The following CAMK2D variants were observed in gnomAD, a reference collection of about 807,000 sequenced individuals.
The protein encoded by CAMK2D is calcium/calmodulin dependent protein kinase II delta.
In CAMK2D, 37 loss-of-function variants were observed where a neutral mutation model predicts 84.0. That is an observed-to-expected ratio of 0.44 (90% CI 0.34 to 0.58). CAMK2D has a LOEUF of 0.58. CAMK2D is among the 20% of genes least tolerant of loss of function. The probability of loss-of-function intolerance (pLI) is 0.02; values close to 1 mark genes in which losing one functional copy is unlikely to be tolerated. For missense variants in CAMK2D, 448 were observed against 652.5 expected (o/e 0.69, Z 3.41); for synonymous variants, 202 against 212.5 (o/e 0.95, Z 0.43).
chr4:113,757,836 T>C (rs1471594902), intron 2 of CAMK2D, among the ~76,000 whole-genome samples: 1 of 152,070 alleles, frequency 6.6e-6, no homozygotes, highest in Non-Finnish European at 1.5e-5. Flanking sequence ...GATAAGTACA[T>C]TTGTTATTCT....
chr4:113,674,055 T>C (rs1406607436), intron 2 of CAMK2D, among the ~76,000 whole-genome samples: 2 of 152,202 alleles, frequency 1.3e-5, no homozygotes, highest in Non-Finnish European at 2.9e-5. Flanking sequence ...CTGAATATCA[T>C]TGCCTTTACA....
chr4:113,642,103 C>G (rs955264973), intron 3 of CAMK2D, among the ~76,000 whole-genome samples: 3 of 152,040 alleles, frequency 2.0e-5, no homozygotes, highest in African/African-American at 7.2e-5. Flanking sequence ...AGAGCCCGCT[C>G]CAGATCAATT....
At position 113,609,207 on chromosome 4, in the gene CAMK2D, C is replaced by G; in HGVS notation, c.221-1G>C. The G allele has an allele frequency of 6.4e-7, 1 of 1,569,490 alleles. No individual in the cohort carries two copies. The highest frequency in any genetic ancestry group is 8.8e-7 in the Non-Finnish European group (1 of 1,139,880). ...TCTGATATGCTATCATGAAGTCGCA[C>G]TAGAAAAAAATAAGAGAAGAAAAAT... On this transcript the variant is annotated splice_acceptor_variant, in intron 3 of 20. Transcript: ENST00000511664. LOFTEE classifies it high-confidence loss of function.
chr4:113,663,636 C>A (rs9307395), intron 2 of CAMK2D, among the ~76,000 whole-genome samples: 7,450 of 149,322 alleles, frequency 0.05, 528 homozygotes, highest in African/African-American at 0.16. Flanking sequence ...ACATGAAAGA[C>A]ATATACTTAA....
intron 2 of CAMK2D, among the ~76,000 whole-genome samples, chr4:113,708,353 A>G (rs775504411): frequency 6.6e-6 from 1 of 152,218 alleles, no homozygotes; most frequent in Non-Finnish European, 1.5e-5. Context: ...TTCCTTCAGA[A>G]GCAAACAATT....
chr4:113,462,963 C>G (rs751757796), intron 17 of CAMK2D, among the ~76,000 whole-genome samples: 23 of 152,148 alleles, frequency 1.5e-4, no homozygotes, highest in Non-Finnish European at 2.2e-4. Context: ...TATGGCACAG[C>G]TATAAACAAT....
chr4:113,589,516 G>A (rs78563762), intron 4 of CAMK2D, among the ~76,000 whole-genome samples: 6,106 of 152,200 alleles, frequency 0.04, 361 homozygotes, highest in East Asian at 0.19. Context: ...TCTAATAGGA[G>A]TTGCTGATGA....
intron 2 of CAMK2D, among the ~76,000 whole-genome samples, chr4:113,732,230 C>A (rs747130421): frequency 4.0e-5 from 6 of 151,814 alleles, no homozygotes; most frequent in Non-Finnish European, 5.9e-5. Flanking sequence ...CTAAAGTGAT[C>A]CTCCCACCTC....
At chr4:113,481,903 T>C (rs2097705837) in intron 16 of CAMK2D, among the ~76,000 whole-genome samples, 1 of 152,266 alleles carries the variant, frequency 6.6e-6, no homozygotes, top group African/African-American at 2.4e-5. Context: ...TATCAGGACA[T>C]ACCAGACATG....
chr4:113,496,145 A>T, intron 16 of CAMK2D, among the ~76,000 whole-genome samples: 1 of 152,186 alleles, frequency 6.6e-6, no homozygotes, highest in African/African-American at 2.4e-5. Context: ...ACTGCTACAC[A>T]TCACTGACTC....
intron 2 of CAMK2D, among the ~76,000 whole-genome samples, chr4:113,673,224 C>T (rs950377147): frequency 6.6e-6 from 1 of 152,180 alleles, no homozygotes; most frequent in Non-Finnish European, 1.5e-5. Context: ...AAAAATGCAT[C>T]TCCTGGAGTT....
At chr4:113,487,683 G>T (rs1362854301) in intron 16 of CAMK2D, among the ~76,000 whole-genome samples, 2 of 151,894 alleles carry the variant, frequency 1.3e-5, no homozygotes, top group East Asian at 3.9e-4. Flanking sequence ...ATAACATTTT[G>T]GATATTCAGG....
At chr4:113,455,630 A>G in intron 20 of CAMK2D, 96 bp downstream of exon 20, 1 of 659,558 alleles carries the variant, frequency 1.5e-6, no homozygotes, top group Non-Finnish European at 2.6e-6. Context: ...ATTGAATATT[A>G]TGCAATAAAA....
At chr4:113,541,066 T>C (rs1470503892) in intron 6 of CAMK2D, among the ~76,000 whole-genome samples, 3 of 152,254 alleles carry the variant, frequency 2.0e-5, no homozygotes, top group Non-Finnish European at 2.9e-5. Flanking sequence ...TACTTTCATA[T>C]GAATACAATG....
intron 2 of CAMK2D, among the ~76,000 whole-genome samples, chr4:113,676,188 C>T (rs2099317599): frequency 6.6e-6 from 1 of 152,128 alleles, no homozygotes; most frequent in Non-Finnish European, 1.5e-5. Flanking sequence ...TGCCAACATT[C>T]TGGGCTATTT....
At chr4:113,518,064 G>T (rs947771525) in intron 8 of CAMK2D, among the ~76,000 whole-genome samples, 1 of 152,138 alleles carries the variant, frequency 6.6e-6, no homozygotes, top group African/African-American at 2.4e-5. Flanking sequence ...CCTCATACTT[G>T]TTTTGATGGT....
At chr4:113,719,119 G>C (rs2148590346) in intron 2 of CAMK2D, among the ~76,000 whole-genome samples, 1 of 152,210 alleles carries the variant, frequency 6.6e-6, no homozygotes, top group African/African-American at 2.4e-5. Context: ...CTTCACGTTT[G>C]TCATCTTGAA....
chr4:113,584,816 G>A (rs1200322596), intron 4 of CAMK2D, among the ~76,000 whole-genome samples: 1 of 152,002 alleles, frequency 6.6e-6, no homozygotes, highest in African/African-American at 2.4e-5. Context: ...CAATAGCTAA[G>A]CAACAAAAAT....
chr4:113,669,802 G>A (rs1408813453), intron 2 of CAMK2D, among the ~76,000 whole-genome samples: 2 of 152,152 alleles, frequency 1.3e-5, no homozygotes, highest in Non-Finnish European at 2.9e-5. Flanking sequence ...AGAGGAGAGT[G>A]GTATGCAGAA....
Sources: allele counts gnomAD v4.1 joint callset (sites outside exome capture counted in the v4.1 genomes callset), GRCh38; gene constraint gnomAD v4.1.1; transcripts MANE v1.5; gene names NCBI Gene and HGNC (gene_info 2026-07-23, HGNC 2026-07-21).